The following SLC30A4 variants were observed in gnomAD, a reference collection of about 807,000 sequenced individuals.
The protein encoded by SLC30A4 is probable proton-coupled zinc antiporter SLC30A4.
SLC30A4 carries 20 observed loss-of-function variants against 41.7 expected under a neutral mutation model. That is an observed-to-expected ratio of 0.48 (90% CI 0.34 to 0.70). The LOEUF is 0.70. Ranked by LOEUF, SLC30A4 falls within the 30% of genes least tolerant of loss-of-function variation. The pLI is 0.01. For missense variants in SLC30A4, 441 were observed against 529.3 expected, an observed-to-expected ratio of 0.83 and a Z score of 1.64; for synonymous variants, 181 against 195.9, an observed-to-expected ratio of 0.92 and a Z score of 0.64.
intron 2 of SLC30A4, among the ~76,000 whole-genome samples, chr15:45,511,577 G>C (rs1040265328): frequency 3.9e-5 from 6 of 151,964 alleles, no homozygotes; most frequent in African/African-American, 1.5e-4. Flanking sequence ...TCTGCCTTCT[G>C]GGTTCAAGTG....
intron 4 of SLC30A4, among the ~76,000 whole-genome samples, 189 bp downstream of exon 4, chr15:45,490,539 A>C (rs1486091432): frequency 6.6e-6 from 1 of 152,230 alleles, no homozygotes; most frequent in African/African-American, 2.4e-5. Flanking sequence ...ATTTTGACTC[A>C]ATCTCCAATA....
chr15:45,517,889 AGT>A (rs1892537992), intron 2 of SLC30A4, among the ~76,000 whole-genome samples: 1 of 152,112 alleles, frequency 6.6e-6, no homozygotes, highest in Admixed American at 6.5e-5. Flanking sequence ...CAGAGCTTGC[AGT>A]GAGCCGAGAT....
At chr15:45,501,036 G>C (rs567043148) in intron 3 of SLC30A4, among the ~76,000 whole-genome samples, 2 of 151,208 alleles carry the variant, frequency 1.3e-5, no homozygotes, top group African/African-American at 4.8e-5. Context: ...GGCCAGGTGC[G>C]GTGGCTCACG....
At chr15:45,487,960 AGTGTGTGTGTGTGTGTGT>A (rs58392709) in intron 5 of SLC30A4, among the ~76,000 whole-genome samples, 19 of 139,780 alleles carry the variant, frequency 1.4e-4, no homozygotes, top group African/African-American at 4.2e-4. Flanking sequence ...GCTGGAAAAA[AGTGTGTGTGTGTGTGTGT>A]GTGTGTGTGT....
intron 2 of SLC30A4, among the ~76,000 whole-genome samples, chr15:45,511,503 A>G (rs1892290517): frequency 6.6e-6 from 1 of 150,546 alleles, no homozygotes; most frequent in South Asian, 2.1e-4. Context: ...TTTTTTTTTG[A>G]GACAGAGTCT....
In SLC30A4 at chr15:45,488,961, A is replaced by G; in HGVS notation, c.774T>C (p.Ser258=). The G allele has an allele frequency of 6.2e-7, 1 of 1,614,160 alleles. No individual in the cohort carries two copies. Among genetic ancestry groups the G allele is most frequent in the Non-Finnish European group, 8.5e-7 (1 of 1,179,986 alleles). Residue 258 remains serine, a synonymous_variant, in exon 5 of 8, where the codon TCT becomes TCC. Coordinates refer to ENST00000261867, the MANE Select transcript of SLC30A4 (RefSeq NM_013309.6). ...CCTGCCCATGGTTACGTTCACACCC[A>G]GAACCTCTGGTAGGGGAATTTGAAG... ...SLPSNSPTRG[S]GCERNHGQDS...
intron 3 of SLC30A4, among the ~76,000 whole-genome samples, chr15:45,503,974 A>G (rs1892096869): frequency 1.3e-5 from 2 of 152,106 alleles, no homozygotes. Context: ...TAAATAAATA[A>G]AAATTTAAAA....
In SLC30A4 at chr15:45,522,313, T is replaced by C. The variant is rs754715203; in HGVS notation, c.42A>G (p.Leu14=). ...AAAACAGCGGCGCATCATCCTTCCT[T>C]AGCATAGATTTGAGGCGCTTCCACG... is the stretch of plus-strand genomic sequence containing the variant. The part of the protein sequence containing the change: ...SGAWKRLKSM[L]RKDDAPLFLN... The change falls in exon 2 of 8, where the codon CTA becomes CTG. Residue 14 remains leucine, a synonymous_variant. Coordinates refer to ENST00000261867, the MANE Select transcript of SLC30A4 (RefSeq NM_013309.6). 14 of 1,613,750 alleles carry C rather than the reference T, an allele frequency of 8.7e-6. No individual in the cohort carries two copies. The highest frequency in any genetic ancestry group is 1.2e-5 in the Non-Finnish European group (14 of 1,179,950).
intron 3 of SLC30A4, among the ~76,000 whole-genome samples, chr15:45,507,625 T>G (rs1234542659): frequency 6.6e-6 from 1 of 151,802 alleles, no homozygotes; most frequent in Non-Finnish European, 1.5e-5. Context: ...GCAGCTGGTA[T>G]TACAGGTGGG....
At chr15:45,486,487 G>A (rs958695134) in intron 7 of SLC30A4, 124 bp downstream of exon 7, 2 of 875,882 alleles carry the variant, frequency 2.3e-6, no homozygotes, top group Non-Finnish European at 3.4e-6. Flanking sequence ...AAAGACAAAG[G>A]CTTTTGTCTT....
At chr15:45,499,725 T>C (rs1034927345) in intron 3 of SLC30A4, among the ~76,000 whole-genome samples, 10 of 152,170 alleles carry the variant, frequency 6.6e-5, no homozygotes, top group African/African-American at 1.2e-4. Context: ...CAGAATAAGA[T>C]AGCATGCCCA....
intron 3 of SLC30A4, among the ~76,000 whole-genome samples, chr15:45,496,109 A>T (rs904028014): frequency 6.6e-6 from 1 of 152,346 alleles, no homozygotes. Flanking sequence ...TTGGAAGTAT[A>T]AAGCAAAGAC....
intron 3 of SLC30A4, among the ~76,000 whole-genome samples, chr15:45,494,767 G>C (rs1341835566): frequency 6.6e-6 from 1 of 152,096 alleles, no homozygotes; most frequent in Admixed American, 6.6e-5. Flanking sequence ...ATGTGCTTGT[G>C]GTAGCCTCCT....
At chr15:45,492,464 T>G (rs972717479) in intron 3 of SLC30A4, among the ~76,000 whole-genome samples, 2 of 152,170 alleles carry the variant, frequency 1.3e-5, no homozygotes, top group Non-Finnish European at 2.9e-5. Flanking sequence ...TTTTAAGTTT[T>G]TACCATAAAT....
rs979256601 is a variant in SLC30A4 at position 45,483,219 on chromosome 15, G to C, written c.*1944C>G. 2 of 152,146 alleles carry C rather than the reference G, an allele frequency of 1.3e-5. No homozygotes were observed. Among genetic ancestry groups the C allele is most frequent in the African/African-American group, 2.4e-5 (1 of 41,430 alleles). The allele number at this position is 152,146 out of a possible 1,614,324, so 9.4% of individuals were successfully genotyped here. The stretch of plus-strand genomic sequence containing the variant: ...TTTTCTTATCTTAGGTTTACTTATA[G>C]TAAGGTACTTGGTAAGAAGATAAAA... On this transcript the variant is annotated 3_prime_UTR_variant, in exon 8 of 8. Transcript: ENST00000261867.
At chr15:45,511,054 G>C (rs1892277092) in intron 3 of SLC30A4, 84 bp downstream of exon 3, 1 of 1,033,502 alleles carries the variant, frequency 9.7e-7, no homozygotes, top group Admixed American at 2.3e-5. Context: ...GATATCACTG[G>C]AACGAGTTCA....
At chr15:45,493,341 C>T (rs1212375464) in intron 3 of SLC30A4, among the ~76,000 whole-genome samples, 3 of 152,058 alleles carry the variant, frequency 2.0e-5, no homozygotes, top group African/African-American at 7.2e-5. Flanking sequence ...TTTAGAGAAA[C>T]CTGACACTAA....
At chr15:45,502,947 T>C (rs1444678596) in intron 3 of SLC30A4, 3 of 151,408 alleles carry the variant, frequency 2.0e-5, no homozygotes, top group Admixed American at 2.0e-4. Context: ...TGAGCTATGA[T>C]GGTGTCATTG....
Position 45,497,637 on chromosome 15 carries a change from T to G in SLC30A4, c.539-6756A>C, listed in dbSNP as rs559841613. 2.6e-5 allele frequency among the ~76,000 whole-genome samples: 4 copies of G among 152,094 alleles called. No individual in the cohort carries two copies. The East Asian group carries it at 7.7e-4, about 29-fold the overall frequency. ...ATAAATGCTAAAAGAAAAAAATAAATAGGAGAAAACATAGATGATTATCAA... is the reference window on the plus strand; with the variant it reads ...ATAAATGCTAAAAGAAAAAAATAAAGAGGAGAAAACATAGATGATTATCAA... On this transcript the variant is annotated intron_variant, in intron 3 of 7. Coordinates refer to ENST00000261867, the MANE Select transcript of SLC30A4 (RefSeq NM_013309.6).
Sources: gnomAD v4.1 joint callset for allele counts (sites outside exome capture counted in the v4.1 genomes callset) on GRCh38, gnomAD v4.1.1 for gene constraint, MANE v1.5 for transcripts, NCBI Gene and HGNC (gene_info 2026-07-23, HGNC 2026-07-21) for gene names.